Variants in GPAT4 observed in about 807,000 individuals in gnomAD.
GPAT4 encodes 1-AGP acyltransferase 6.
A neutral mutation model predicts 58.0 loss-of-function variants in GPAT4; 17 were observed. That is an observed-to-expected ratio of 0.29 (90% CI 0.20 to 0.44). GPAT4 has a LOEUF of 0.44. Ranked by LOEUF, GPAT4 falls within the 20% of genes least tolerant of loss-of-function variation. GPAT4 has a pLI of 1.00. For synonymous variants in GPAT4, 204 were observed against 210.1 expected (o/e 0.97, Z 0.25); for missense variants, 377 against 574.5 (o/e 0.66, Z 3.51).
chr8:41,610,709 G>A (rs1434836830), intron 4 of GPAT4, 27 bp from the exon 5 acceptor site: 1 of 1,596,556 alleles, frequency 6.3e-7, no homozygotes, highest in Non-Finnish European at 8.5e-7. Context: ...TTTGCTGGCT[G>A]TGCTCTAACT....
chr8:41,586,772 G>A (rs1259523818), intron 1 of GPAT4, among the ~76,000 whole-genome samples: 1 of 152,130 alleles, frequency 6.6e-6, no homozygotes, highest in East Asian at 1.9e-4. Flanking sequence ...TTTTACGTAT[G>A]GATAATTTGT....
Position 41,612,218 on chromosome 8 carries a change from A to G in GPAT4, c.740A>G (p.Asn247Ser). 6 of 1,614,254 alleles carry G rather than the reference A, an allele frequency of 3.7e-6. No homozygotes were observed. Among genetic ancestry groups the G allele is most frequent in the Non-Finnish European group, 5.1e-6 (6 of 1,180,042 alleles). ...RPRNGGICVA[N>S]HTSPIDVIIL... ...AGAAATGGTGGCATCTGTGTGGCCA[A>G]TCATACCTCACCGATCGATGTGATC... The change falls in exon 7 of 13, where the codon AAT (asparagine) becomes AGT (serine). Residue 247 changes from asparagine (N) to serine (S), a missense_variant. Coordinates refer to ENST00000396987, the MANE Select transcript of GPAT4 (RefSeq NM_178819.4).
chr8:41,581,818 A>G (rs1395348448), intron 1 of GPAT4, among the ~76,000 whole-genome samples: 1 of 147,866 alleles, frequency 6.8e-6, no homozygotes, highest in Non-Finnish European at 1.5e-5. Context: ...ATTTTTTAGT[A>G]GAGACAGGGT....
intron 4 of GPAT4, chr8:41,610,427 G>A: frequency 7.9e-7 from 1 of 1,262,826 alleles, no homozygotes; most frequent in Middle Eastern, 3.3e-4. Flanking sequence ...CCAAAGGGAA[G>A]GGGAGGGCAG....
chr8:41,608,987 G>A (rs1766537952), intron 2 of GPAT4, among the ~76,000 whole-genome samples: 1 of 152,218 alleles, frequency 6.6e-6, no homozygotes, highest in Admixed American at 6.5e-5. Flanking sequence ...CCTTTAAAAT[G>A]AAAATTGCTG....
intron 1 of GPAT4, among the ~76,000 whole-genome samples, chr8:41,589,374 G>A (rs80044481): frequency 1.6e-5 from 2 of 123,226 alleles, no homozygotes; most frequent in Non-Finnish European, 3.5e-5. Flanking sequence ...ATGGGATGGG[G>A]TGGGATGGGA....
Position 41,582,444 on chromosome 8 carries a change from T to TACACACAC in GPAT4, c.-849+4192_-849+4199dup, listed in dbSNP as rs71548104. Among the ~76,000 whole-genome samples, 1,216 of 141,698 alleles carry TACACACAC rather than the reference T, an allele frequency of 8.6e-3. 5 individuals are homozygous for TACACACAC. The highest frequency in any genetic ancestry group is 0.039 in the East Asian group (188 of 4,816). 93.0% of individuals were successfully genotyped at this position (141,698 alleles called of 152,430 possible). ...CTTGGAGAAATAGGGTGGGAAAGTA[T>TACACACAC]ACACACACACACACACACACACACA... On this transcript the variant is annotated intron_variant, in intron 1 of 12. Transcript: ENST00000396987.
At position 41,623,552 on chromosome 8, in the gene GPAT4, G is replaced by T. The variant is rs1803821931; in HGVS notation, c.*2551G>T. The T allele has an allele frequency of 6.6e-6, 1 of 152,226 alleles. No homozygotes were observed. Among genetic ancestry groups the T allele is most frequent in the Non-Finnish European group, 1.5e-5 (1 of 68,040 alleles). The allele number at this position is 152,226 out of a possible 1,614,324, so 9.4% of individuals were successfully genotyped here. ...AGGGACTTGGCTAGATGACCTCAGAGACCTCGTCCACCTCTGAATTCTCTG... is the reference window on the plus strand; with the variant it reads ...AGGGACTTGGCTAGATGACCTCAGATACCTCGTCCACCTCTGAATTCTCTG... On this transcript the variant is annotated 3_prime_UTR_variant, in exon 13 of 13. Coordinates refer to ENST00000396987, the MANE Select transcript of GPAT4 (RefSeq NM_178819.4).
At position 41,609,767 on chromosome 8, in the gene GPAT4, C is replaced by T; in HGVS notation, c.348C>T (p.Phe116=). 1.2e-6 allele frequency: 2 copies of T among 1,614,132 alleles called. No individual in the cohort carries two copies. The highest frequency in any genetic ancestry group is 1.1e-5 in the South Asian group (1 of 91,080). Residue 116 remains phenylalanine, a synonymous_variant, in exon 4 of 13, where the codon TTC becomes TTT. Transcript: ENST00000396987. ...CAGAGTTCGAGCTCTCTGACATTTT[C>T]TACTTTTGCCGGAAAGGAATGGAGA... ...NTPEFELSDI[F]YFCRKGMETI... is the part of the protein sequence containing the mutation.
rs928121459 is a variant in GPAT4 at position 41,596,967 on chromosome 8, G to A, written c.-848-1325G>A. On this transcript the variant is annotated intron_variant, in intron 1 of 12. Coordinates refer to ENST00000396987, the MANE Select transcript of GPAT4 (RefSeq NM_178819.4). ...GATCGATTGAGCAAGCAGGGAGTACGTGACTGGGAGCTGCATGCACCGGTA... is the reference window on the plus strand; with the variant it reads ...GATCGATTGAGCAAGCAGGGAGTACATGACTGGGAGCTGCATGCACCGGTA... Among the ~76,000 whole-genome samples, 11 of 152,174 alleles carry A rather than the reference G, an allele frequency of 7.2e-5. 1 individual carries two copies. The highest frequency in any genetic ancestry group is 1.3e-4 in the Admixed American group (2 of 15,286).
rs564487035 is a variant in GPAT4 at position 41,588,210 on chromosome 8, G to A, written c.-849+9932G>A. Among the ~76,000 whole-genome samples the A allele has an allele frequency of 3.9e-5, 6 of 152,254 alleles. No individual in the cohort carries two copies. The South Asian group carries it at 1.0e-3, about 26-fold the overall frequency. On this transcript the variant is annotated intron_variant, in intron 1 of 12. Transcript: ENST00000396987. The stretch of plus-strand genomic sequence containing the variant: ...TGTGCTTGGTGTGCTCTAAAAATAC[G>A]TGCATTCTTTTGTGATCTAAGCATG...
intron 2 of GPAT4, among the ~76,000 whole-genome samples, chr8:41,607,275 A>G (rs903392178): frequency 6.6e-6 from 1 of 152,070 alleles, no homozygotes; most frequent in African/African-American, 2.4e-5. Context: ...CTAAACACAG[A>G]CGTGTTTTGT....
At chr8:41,596,672 G>A (rs1029359266) in intron 1 of GPAT4, among the ~76,000 whole-genome samples, 10 of 152,190 alleles carry the variant, frequency 6.6e-5, no homozygotes, top group Middle Eastern at 3.2e-3. Flanking sequence ...TGAGTCCCCC[G>A]CAGGGATGCT....
In GPAT4 at chr8:41,579,665, C is replaced by T. The variant is rs113939395; in HGVS notation, c.-849+1387C>T. Among the ~76,000 whole-genome samples, 1,352 of 152,152 alleles carry T rather than the reference C, an allele frequency of 8.9e-3. 23 individuals are homozygous for T. Among genetic ancestry groups the T allele is most frequent in the African/African-American group, 0.032 (1,311 of 41,504 alleles). ...CCAGCCTGGCCAACATGGTGAAACC[C>T]TGCATATACTAAAAATACAAAAATT... On this transcript the variant is annotated intron_variant, in intron 1 of 12. Transcript: ENST00000396987.
At chr8:41,610,253 C>G in intron 4 of GPAT4, 1 of 1,275,860 alleles carries the variant, frequency 7.8e-7, no homozygotes, top group Non-Finnish European at 9.9e-7. Context: ...CTGGACATGG[C>G]TCATTCTTTC....
chr8:41,596,267 C>T (rs1249479966), intron 1 of GPAT4, among the ~76,000 whole-genome samples: 2 of 152,172 alleles, frequency 1.3e-5, no homozygotes, highest in East Asian at 3.9e-4. Context: ...ACACACACAC[C>T]ACAAAACAAA....
In GPAT4 at chr8:41,622,678, G is replaced by C. The variant is rs1803789753; in HGVS notation, c.*1677G>C. On this transcript the variant is annotated 3_prime_UTR_variant, in exon 13 of 13. Transcript: ENST00000396987. The stretch of plus-strand genomic sequence containing the variant: ...CAGATCCACTTTGCATGTGGTACCT[G>C]CTGGGTTGGCCCTGCAATCTCCTTT... The C allele has an allele frequency of 6.6e-6, 1 of 152,286 alleles. No individual in the cohort carries two copies. Among genetic ancestry groups the C allele is most frequent in the South Asian group, 2.1e-4 (1 of 4,832 alleles). The allele number at this position is 152,286 out of a possible 1,614,324, so 9.4% of individuals were successfully genotyped here.
At chr8:41,610,156 T>C in intron 4 of GPAT4, 2 of 1,398,160 alleles carry the variant, frequency 1.4e-6, no homozygotes, top group South Asian at 1.7e-5. Flanking sequence ...CAGACAGAAA[T>C]AGTTGGATTT....
intron 2 of GPAT4, among the ~76,000 whole-genome samples, chr8:41,600,824 A>G (rs1281212324): frequency 6.6e-6 from 1 of 152,154 alleles, no homozygotes; most frequent in Non-Finnish European, 1.5e-5. Flanking sequence ...CCTATTCTGC[A>G]TATTTCATGT....
Sources: allele counts gnomAD v4.1 joint callset (sites outside exome capture counted in the v4.1 genomes callset), GRCh38; gene constraint gnomAD v4.1.1; transcripts MANE v1.5; gene names NCBI Gene and HGNC (gene_info 2026-07-23, HGNC 2026-07-21).